CXCL13: variants seen among roughly 807,000 people sequenced by gnomAD.
CXCL13 encodes the protein C-X-C motif chemokine 13.
Under a neutral mutation model 12.2 loss-of-function variants are expected in CXCL13, and 7 were observed. That is an observed-to-expected ratio of 0.57 (90% CI 0.33 to 1.07). The LOEUF (loss-of-function observed/expected upper bound fraction) is 1.07, where lower values mean the gene tolerates loss of function less well. Among genes scored for constraint, CXCL13 ranks in the 50% least tolerant of loss-of-function variants. CXCL13 has a pLI of 0.04. For synonymous variants in CXCL13, 47 were observed against 42.4 expected (o/e 1.11, Z -0.42); for missense variants, 113 against 127.4 (o/e 0.89, Z 0.55).
intron 1 of CXCL13, among the ~76,000 whole-genome samples, chr4:77,581,242 T>C (rs1216026038): frequency 1.3e-5 from 2 of 152,210 alleles, no homozygotes; most frequent in African/African-American, 2.4e-5. Flanking sequence ...GTGAATTGTA[T>C]TTGTAAATTA....
In CXCL13 at chr4:77,599,456, T is replaced by C. The variant is rs1054073565; in HGVS notation, c.-42-6368T>C. Among the ~76,000 whole-genome samples, 3 of 152,244 alleles carry C rather than the reference T, an allele frequency of 2.0e-5. No individual in the cohort carries two copies. The East Asian group carries it at 5.8e-4, about 29-fold the overall frequency. ...CATGTTCAGAACAGACATGGTCCTT[T>C]TTAAAATATTTTTGATTCACAGTTG... On this transcript the variant is annotated intron_variant, in intron 1 of 4. Coordinates refer to the CXCL13 transcript ENST00000286758.
intron 1 of CXCL13, among the ~76,000 whole-genome samples, chr4:77,589,751 A>G (rs899003693): frequency 6.6e-6 from 1 of 152,180 alleles, no homozygotes; most frequent in African/African-American, 2.4e-5. Context: ...GAGATATTAT[A>G]TGCTTTTCTG....
At chr4:77,518,243 C>A (rs558603507) in intron 1 of CXCL13, among the ~76,000 whole-genome samples, 2 of 152,270 alleles carry the variant, frequency 1.3e-5, no homozygotes, top group East Asian at 3.9e-4. Context: ...TCCTTCATTT[C>A]AACTTTGGTA....
intron 1 of CXCL13, among the ~76,000 whole-genome samples, chr4:77,594,543 A>T (rs1034707607): frequency 6.6e-6 from 1 of 151,202 alleles, no homozygotes; most frequent in East Asian, 1.9e-4. Context: ...TGGCCATAAT[A>T]AAACATTTCA....
chr4:77,570,623 A>G (rs1001368138), intron 1 of CXCL13, among the ~76,000 whole-genome samples: 6 of 152,180 alleles, frequency 3.9e-5, no homozygotes, highest in Non-Finnish European at 5.9e-5. Flanking sequence ...TGGGCTGGCC[A>G]AGGCCAGAGC....
chr4:77,538,914 G>C (rs922208709), intron 1 of CXCL13, among the ~76,000 whole-genome samples: 1 of 152,212 alleles, frequency 6.6e-6, no homozygotes, highest in Admixed American at 6.5e-5. Context: ...GAATGAATTT[G>C]AGGGGCATAA....
intron 1 of CXCL13, among the ~76,000 whole-genome samples, chr4:77,573,036 A>C (rs1223894186): frequency 6.6e-6 from 1 of 151,888 alleles, no homozygotes; most frequent in Non-Finnish European, 1.5e-5. Context: ...CTAAATGATG[A>C]GAACACATGG....
chr4:77,598,414 G>A (rs1726814050), intron 1 of CXCL13, among the ~76,000 whole-genome samples: 1 of 152,160 alleles, frequency 6.6e-6, no homozygotes, highest in South Asian at 2.1e-4. Flanking sequence ...CCCTTTCAGA[G>A]CCTGGAAGAG....
At chr4:77,570,789 T>G (rs1351835148) in intron 1 of CXCL13, among the ~76,000 whole-genome samples, 2 of 149,408 alleles carry the variant, frequency 1.3e-5, no homozygotes, top group Non-Finnish European at 2.9e-5. Context: ...CCCTGGGCAG[T>G]GAGGGGCTTA....
chr4:77,549,003 G>A (rs186228537), intron 1 of CXCL13, among the ~76,000 whole-genome samples: 1 of 152,104 alleles, frequency 6.6e-6, no homozygotes, highest in Non-Finnish European at 1.5e-5. Flanking sequence ...TTTTCACATA[G>A]TCCCATATTT....
intron 1 of CXCL13, among the ~76,000 whole-genome samples, chr4:77,561,099 C>T (rs1725800021): frequency 6.6e-6 from 1 of 152,222 alleles, no homozygotes; most frequent in African/African-American, 2.4e-5. Flanking sequence ...CAATTAAACC[C>T]ACAGATTAAA....
chr4:77,574,994 T>C (rs1327768912), intron 1 of CXCL13, among the ~76,000 whole-genome samples: 1 of 152,000 alleles, frequency 6.6e-6, no homozygotes, highest in Non-Finnish European at 1.5e-5. Flanking sequence ...TTAGAAAAGA[T>C]AATGCTGAAA....
chr4:77,567,754 C>T (rs562786913), intron 1 of CXCL13, among the ~76,000 whole-genome samples: 2 of 152,224 alleles, frequency 1.3e-5, no homozygotes, highest in East Asian at 3.9e-4. Context: ...TGTATAAATG[C>T]CATGGGAATG....
In CXCL13 at chr4:77,575,427, C is replaced by T. The variant is rs148986214; in HGVS notation, c.-42-30397C>T. 6.0e-4 allele frequency among the ~76,000 whole-genome samples: 91 copies of T among 151,954 alleles called. 1 individual carries two copies. In the East Asian group the frequency reaches 0.015, roughly 25 times the overall value. ...TCATCATTTACATTAGGTAGTTCTCCTAACGCTATCCCTCCCCCAGCCCCC... is the reference window on the plus strand; with the variant it reads ...TCATCATTTACATTAGGTAGTTCTCTTAACGCTATCCCTCCCCCAGCCCCC... On this transcript the variant is annotated intron_variant, in intron 1 of 4. Coordinates refer to the CXCL13 transcript ENST00000286758.
chr4:77,541,586 C>T (rs937350649), intron 1 of CXCL13, among the ~76,000 whole-genome samples: 1 of 152,118 alleles, frequency 6.6e-6, no homozygotes, highest in Non-Finnish European at 1.5e-5. Flanking sequence ...TGTTTTTGTA[C>T]CAGTACCATG....
chr4:77,606,802 A>C (rs1212207480), intron 1 of CXCL13, among the ~76,000 whole-genome samples: 1 of 152,128 alleles, frequency 6.6e-6, no homozygotes, highest in Non-Finnish European at 1.5e-5. Context: ...ACACCTTGAG[A>C]GGTGAGCCTT....
chr4:77,532,740 C>G (rs1724960881), intron 1 of CXCL13, among the ~76,000 whole-genome samples: 2 of 152,078 alleles, frequency 1.3e-5, no homozygotes, highest in South Asian at 4.1e-4. Context: ...ATGCTTTGTT[C>G]ATTTCTTTTT....
chr4:77,539,914 T>G (rs1725160249), intron 1 of CXCL13, among the ~76,000 whole-genome samples: 2 of 152,126 alleles, frequency 1.3e-5, no homozygotes, highest in Non-Finnish European at 2.9e-5. Flanking sequence ...AGCTACCTAC[T>G]GTAATAGTGG....
chr4:77,523,087 C>T (rs1217315062), intron 1 of CXCL13, among the ~76,000 whole-genome samples: 1 of 152,194 alleles, frequency 6.6e-6, no homozygotes, highest in East Asian at 1.9e-4. Flanking sequence ...AACTGTTAGT[C>T]TGATGGGCTT....
Sources: allele counts gnomAD v4.1 joint callset (sites outside exome capture counted in the v4.1 genomes callset), GRCh38; gene constraint gnomAD v4.1.1; transcripts MANE v1.5; gene names NCBI Gene and HGNC (gene_info 2026-07-23, HGNC 2026-07-21).